The following ZNF706 variants were observed in gnomAD, a reference collection of about 807,000 sequenced individuals.
ZNF706 encodes the protein zinc finger protein 706.
Under a neutral mutation model 9.2 loss-of-function variants are expected in ZNF706, and 4 were observed. That is an observed-to-expected ratio of 0.43 (90% confidence interval 0.21 to 0.99). ZNF706 has a LOEUF of 0.99. ZNF706 is among the 50% of genes least tolerant of loss of function. ZNF706 has a pLI of 0.26. For missense variants in ZNF706, 27 were observed against 87.8 expected, an observed-to-expected ratio of 0.31 and a Z score of 2.77; for synonymous variants, 28 against 27.3, an observed-to-expected ratio of 1.03 and a Z score of -0.08.
upstream of ZNF706, chr8:101,206,171 C>A (rs1023453753): frequency 2.0e-5 from 3 of 152,366 alleles, no homozygotes; most frequent in African/African-American, 7.2e-5. Flanking sequence ...GCCCCGCCAC[C>A]CAGGACACCG....
Position 101,197,639 on chromosome 8 carries a change from G to C in ZNF706, c.*1613C>G, listed in dbSNP as rs953999826. On this transcript the variant is annotated 3_prime_UTR_variant, in exon 4 of 4. Transcript: ENST00000311212. ...AAACTTTTAAGTTGTGATTTAACCA[G>C]AACTTCTGCAATATCCACAAGAAAT... 11 of 151,974 alleles carry C rather than the reference G, an allele frequency of 7.2e-5. No homozygotes were observed. The highest frequency in any genetic ancestry group is 1.5e-4 in the Non-Finnish European group (10 of 68,004). The allele number at this position is 151,974 out of a possible 1,614,324, so 9.4% of individuals were successfully genotyped here.
chr8:101,203,273 T>C (rs930117173), intron 1 of ZNF706: 1 of 152,206 alleles, frequency 6.6e-6, no homozygotes, highest in Admixed American at 6.5e-5. Flanking sequence ...ATAAAGTCTA[T>C]CATGAGTCTC....
At chr8:101,199,903 G>C in intron 3 of ZNF706, 87 bp downstream of exon 3, 2 of 895,522 alleles carry the variant, frequency 2.2e-6, no homozygotes, top group South Asian at 1.6e-5. Context: ...TCAGAAGGCA[G>C]AAATTAATTT....
chr8:101,200,156 CT>C, intron 2 of ZNF706, 59 bp from the exon 3 acceptor site: 1 of 1,384,420 alleles, frequency 7.2e-7, no homozygotes, highest in Non-Finnish European at 1.0e-6. Context: ...AAATGTGTTA[CT>C]TTTTAGAATC....
In ZNF706 at chr8:101,199,120, A is replaced by C. The variant is rs1331469120; in HGVS notation, c.*132T>G. On this transcript the variant is annotated 3_prime_UTR_variant, in exon 4 of 4. Coordinates refer to ENST00000311212, the MANE Select transcript of ZNF706 (RefSeq NM_016096.5). ...ATGAAGCCCAAGAGGGAACAGCATA[A>C]AAATGAGTGTTTCTGTAGCCCCTTT... 1.5e-6 allele frequency: 1 copy of C among 646,208 alleles called. No homozygotes were observed. Among genetic ancestry groups the C allele is most frequent in the Non-Finnish European group, 2.8e-6 (1 of 356,998 alleles). The allele number at this position is 646,208 out of a possible 1,614,324, so 40.0% of individuals were successfully genotyped here.
At chr8:101,199,681 G>A (rs1037785208) in intron 3 of ZNF706, among the ~76,000 whole-genome samples, 4 of 152,082 alleles carry the variant, frequency 2.6e-5, no homozygotes, top group African/African-American at 9.7e-5. Flanking sequence ...GTTTTTAGAG[G>A]GAAACTCTCA....
At position 101,200,112 on chromosome 8, in the gene ZNF706, T is replaced by G. The variant is rs1315491794; in HGVS notation, c.136-15A>C. ...GGCATTTGTGTCTAACAAAAAATTG[T>G]GCAAAAGAGAGCTAGACTTTATTTA... On this transcript the variant is annotated splice_polypyrimidine_tract_variant and intron_variant, in intron 2 of 3. Coordinates refer to ENST00000311212, the MANE Select transcript of ZNF706 (RefSeq NM_016096.5). The G allele has an allele frequency of 6.2e-7, 1 of 1,601,506 alleles. No homozygotes were observed.
chr8:101,203,880 A>G (rs1810653508), intron 1 of ZNF706: 1 of 152,200 alleles, frequency 6.6e-6, no homozygotes, highest in Admixed American at 6.5e-5. Flanking sequence ...ATGTTACCGC[A>G]AGCTTACAAA....
In ZNF706 at chr8:101,197,546, AC is replaced by A. The variant is rs1563750662; in HGVS notation, c.*1705del. The A allele has an allele frequency of 1.3e-5, 2 of 152,072 alleles. No individual in the cohort carries two copies. The highest frequency in any genetic ancestry group is 4.8e-5 in the African/African-American group (2 of 41,414). The allele number at this position is 152,072 out of a possible 1,614,324, so 9.4% of individuals were successfully genotyped here. A position where few individuals can be genotyped will look rare whatever the true frequency, so the allele number is the denominator to read the frequency against. ...CACTAAAACAAACGAAAAAAAAAAA[AC>A]CAAAACTTGTGAATGGTTTTATATG... On this transcript the variant is annotated 3_prime_UTR_variant, in exon 4 of 4. Transcript: ENST00000311212.
chr8:101,198,873 A>G lies in ZNF706; in HGVS notation c.*379T>C, dbSNP rs554944168. On this transcript the variant is annotated 3_prime_UTR_variant, in exon 4 of 4. Coordinates refer to ENST00000311212, the MANE Select transcript of ZNF706 (RefSeq NM_016096.5). ...CAATTCTAGCTGATGAATTCATTAG[A>G]TTTTTATAAGGCAAATAATGTGGAA... 5.2e-6 allele frequency: 1 copy of G among 193,510 alleles called. No homozygotes were observed. Among genetic ancestry groups the G allele is most frequent in the African/African-American group, 2.3e-5 (1 of 43,148 alleles). The allele number at this position is 193,510 out of a possible 1,614,324, so 12.0% of individuals were successfully genotyped here. A position where few individuals can be genotyped will look rare whatever the true frequency, so the allele number is the denominator to read the frequency against.
Position 101,205,077 on chromosome 8 carries a change from T to G in ZNF706, c.-3+358A>C. The G allele has an allele frequency of 2.8e-6, 1 of 356,416 alleles. No individual in the cohort carries two copies. Among genetic ancestry groups the G allele is most frequent in the Non-Finnish European group, 3.9e-6 (1 of 255,042 alleles). The allele number at this position is 356,416 out of a possible 1,614,324, so 22.1% of individuals were successfully genotyped here. A position where few individuals can be genotyped will look rare whatever the true frequency, so the allele number is the denominator to read the frequency against. On this transcript the variant is annotated intron_variant, in intron 1 of 3. Transcript: ENST00000311212. The surrounding 1 kb of genome is among the most constrained non-coding windows in gnomAD (Gnocchi z 6.6). ...CACCAAAGGCCACGCAGCCCCCATCTAGCCAGTCCTCACGGACCCTGGACC... is the reference window on the plus strand; with the variant it reads ...CACCAAAGGCCACGCAGCCCCCATCGAGCCAGTCCTCACGGACCCTGGACC...
In ZNF706 at chr8:101,199,163, G is replaced by A. The variant is rs1485706164; in HGVS notation, c.*89C>T. 5.8e-6 allele frequency: 4 copies of A among 690,614 alleles called. No homozygotes were observed. The highest frequency in any genetic ancestry group is 2.1e-5 in the Admixed American group (1 of 47,474). 42.8% of individuals were successfully genotyped at this position (690,614 alleles called of 1,614,324 possible). ...GCCCCTTTATTTTTGCTGATCAACA[G>A]TTTGTTAGAAAAGCAGCTGCAGGTA... On this transcript the variant is annotated 3_prime_UTR_variant, in exon 4 of 4. Transcript: ENST00000311212.
In ZNF706 at chr8:101,199,189, T is replaced by A. The variant is rs1301277924; in HGVS notation, c.*63A>T. The A allele has an allele frequency of 1.4e-6, 1 of 696,890 alleles. No individual in the cohort carries two copies. Among genetic ancestry groups the A allele is most frequent in the Admixed American group, 2.1e-5 (1 of 48,728 alleles). 43.2% of individuals were successfully genotyped at this position (696,890 alleles called of 1,614,324 possible). On this transcript the variant is annotated 3_prime_UTR_variant, in exon 4 of 4. Coordinates refer to ENST00000311212, the MANE Select transcript of ZNF706 (RefSeq NM_016096.5). Reference sequence around the variant, plus strand: ...TTTGTTAGAAAAGCAGCTGCAGGTATGTTACCTAAGGTCTGAGACAGTAGA... The same window carrying A: ...TTTGTTAGAAAAGCAGCTGCAGGTAAGTTACCTAAGGTCTGAGACAGTAGA...
Position 101,201,458 on chromosome 8 carries a change from G to A in ZNF706, c.135+149C>T. ...CCATTCAAAAAATATTTGTTTAAAG[G>A]GTGAATGAAAATAGATACCTAAAAT... On this transcript the variant is annotated intron_variant, in intron 2 of 3. Transcript: ENST00000311212. The surrounding 1 kb of genome is among the most constrained non-coding windows in gnomAD (Gnocchi z 4.5). 1 of 727,868 alleles carries A rather than the reference G, an allele frequency of 1.4e-6. No homozygotes were observed. The highest frequency in any genetic ancestry group is 2.2e-6 in the Non-Finnish European group (1 of 465,076). 45.1% of individuals were successfully genotyped at this position (727,868 alleles called of 1,614,324 possible).
chr8:101,202,819 C>T (rs556144252), intron 1 of ZNF706: 17 of 152,306 alleles, frequency 1.1e-4, no homozygotes, highest in Admixed American at 2.0e-4. Context: ...AAGTAATTTC[C>T]CTTCCCAGTA....
intron 3 of ZNF706, 45 bp downstream of exon 3, chr8:101,199,945 T>C: frequency 7.2e-7 from 1 of 1,390,070 alleles, no homozygotes; most frequent in Non-Finnish European, 1.0e-6. Context: ...TGGTCTTGTA[T>C]ACAACCCTGT....
rs1182822038 is a variant in ZNF706 at position 101,201,920 on chromosome 8, C to A, written c.-2-177G>T. ...GCTACAAAAGTATCAATTGACACAA[C>A]CCTGTGGAAAACTAGTTGGTAGCTG... On this transcript the variant is annotated intron_variant, in intron 1 of 3. Transcript: ENST00000311212. The surrounding 1 kb of genome is among the most constrained non-coding windows in gnomAD (Gnocchi z 4.5). Among the ~76,000 whole-genome samples, 3 of 152,026 alleles carry A rather than the reference C, an allele frequency of 2.0e-5. No homozygotes were observed. The highest frequency in any genetic ancestry group is 7.2e-5 in the African/African-American group (3 of 41,380).
chr8:101,203,439 C>CT, intron 1 of ZNF706: 1 of 152,166 alleles, frequency 6.6e-6, no homozygotes, highest in South Asian at 2.1e-4. Flanking sequence ...CTTCTTCTGA[C>CT]TAGGACCATA....
In ZNF706 at chr8:101,201,016, GAAC is replaced by G. The variant is rs1810537871; in HGVS notation, c.135+588_135+590del. 1 of 250,008 alleles carries G rather than the reference GAAC, an allele frequency of 4.0e-6. No homozygotes were observed. The highest frequency in any genetic ancestry group is 8.5e-6 in the Non-Finnish European group (1 of 118,236). 15.5% of individuals were successfully genotyped at this position (250,008 alleles called of 1,614,324 possible). A position where few individuals can be genotyped will look rare whatever the true frequency, so the allele number is the denominator to read the frequency against. On this transcript the variant is annotated intron_variant, in intron 2 of 3. Transcript: ENST00000311212. The surrounding 1 kb of genome is among the most constrained non-coding windows in gnomAD (Gnocchi z 4.5). Reference sequence around the variant, plus strand: ...GTCAGTTTACTCTTCTGTAAAATGAGAACAATAAAAGTACTTTATCTTATAGGG... The same window carrying G: ...GTCAGTTTACTCTTCTGTAAAATGAGAATAAAAGTACTTTATCTTATAGGG...
Sources: allele counts gnomAD v4.1 joint callset (sites outside exome capture counted in the v4.1 genomes callset), GRCh38; gene constraint gnomAD v4.1.1; non-coding constraint Gnocchi (gnomAD v3.1); transcripts MANE v1.5; gene names NCBI Gene and HGNC (gene_info 2026-07-23, HGNC 2026-07-21).